ATXN10: variants seen among roughly 807,000 people sequenced by gnomAD.
The protein encoded by ATXN10 is ataxin 10, also known as ataxin-10.
A neutral mutation model predicts 52.9 loss-of-function variants in ATXN10; 28 were observed. The ratio of observed to expected loss-of-function variants is 0.53; its 90% CI spans 0.39 to 0.73. ATXN10 has a LOEUF of 0.73. Among genes scored for constraint, ATXN10 ranks in the 30% least tolerant of loss-of-function variants. The pLI is 0.00. For missense variants in ATXN10, 565 were observed against 577.0 expected (o/e 0.98, Z 0.21); for synonymous variants, 226 against 221.5 (o/e 1.02, Z -0.18).
At chr22:45,721,063 T>C (rs190356689) in intron 6 of ATXN10, among the ~76,000 whole-genome samples, 1 of 152,306 alleles carries the variant, frequency 6.6e-6, no homozygotes, top group Admixed American at 6.5e-5. Context: ...CTTGTGCTAG[T>C]TCTTTTCATT....
chr22:45,681,209 A>C lies in ATXN10; in HGVS notation c.117-8503A>C, dbSNP rs759315560. Among the ~76,000 whole-genome samples, 2 of 152,126 alleles carry C rather than the reference A, an allele frequency of 1.3e-5. No homozygotes were observed. Among genetic ancestry groups the C allele is most frequent in the African/African-American group, 4.8e-5 (2 of 41,440 alleles). On this transcript the variant is annotated intron_variant, in intron 1 of 11. Transcript: ENST00000252934. This position sits in a 1 kb window ranked among gnomAD's most constrained non-coding sequence, Gnocchi z 4.2. ...AAATCTTCGTTATTTCATTGTTTATATAGATTTTCCTTTCATTATCCTGAC... is the reference window on the plus strand; with the variant it reads ...AAATCTTCGTTATTTCATTGTTTATCTAGATTTTCCTTTCATTATCCTGAC...
Position 45,759,759 on chromosome 22 carries a change from C to T in ATXN10, c.1173+19221C>T, listed in dbSNP as rs1056770978. Among the ~76,000 whole-genome samples, 5 of 152,168 alleles carry T rather than the reference C, an allele frequency of 3.3e-5. No individual in the cohort carries two copies. Among genetic ancestry groups the T allele is most frequent in the South Asian group, 2.1e-4 (1 of 4,826 alleles). On this transcript the variant is annotated intron_variant, in intron 9 of 11. Coordinates refer to ENST00000252934, the MANE Select transcript of ATXN10 (RefSeq NM_013236.4). This position sits in a 1 kb window ranked among gnomAD's most constrained non-coding sequence, Gnocchi z 5.4. ...TGGGATGGGGTCACACCTCAGCTGC[C>T]GGCATGAGCTAAGGGACCATATAAC...
rs957672024 is a variant in ATXN10, at chr22:45,750,125, A to G, written c.1173+9587A>G. Among the ~76,000 whole-genome samples the G allele has an allele frequency of 5.3e-5, 8 of 151,112 alleles. No homozygotes were observed. Among genetic ancestry groups the G allele is most frequent in the Admixed American group, 4.0e-4 (6 of 15,172 alleles). The stretch of plus-strand genomic sequence containing the variant: ...TTTAATTTAATTTTATTTTTGAGAC[A>G]GGGTCTTGCTTTTGTCACCCAGGCT... On this transcript the variant is annotated intron_variant, in intron 9 of 11. Coordinates refer to ENST00000252934, the MANE Select transcript of ATXN10 (RefSeq NM_013236.4). The surrounding 1 kb of genome is among the most constrained non-coding windows in gnomAD (Gnocchi z 4.2).
Position 45,681,456 on chromosome 22 carries a change from A to G in ATXN10, c.117-8256A>G, listed in dbSNP as rs867024170. Among the ~76,000 whole-genome samples, 3 of 151,604 alleles carry G rather than the reference A, an allele frequency of 2.0e-5. No individual in the cohort carries two copies. Among genetic ancestry groups the G allele is most frequent in the Non-Finnish European group, 2.9e-5 (2 of 67,920 alleles). Reference sequence around the variant, plus strand: ...CTTTTGACCCTATTTCCTATTTACTACCCCTTTTGTTTTTCATTCCCCTTC... The same window carrying G: ...CTTTTGACCCTATTTCCTATTTACTGCCCCTTTTGTTTTTCATTCCCCTTC... On this transcript the variant is annotated intron_variant, in intron 1 of 11. Transcript: ENST00000252934. This position sits in a 1 kb window ranked among gnomAD's most constrained non-coding sequence, Gnocchi z 4.2.
rs1459247853 is a variant in ATXN10 at position 45,690,350 on chromosome 22, TCTG to T, written c.308+451_308+453del. Among the ~76,000 whole-genome samples, 1 of 151,994 alleles carries T rather than the reference TCTG, an allele frequency of 6.6e-6. No individual in the cohort carries two copies. The highest frequency in any genetic ancestry group is 1.5e-5 in the Non-Finnish European group (1 of 68,010). ...TGTTATTGCAGGATTGCCCTTTACA[TCTG>T]CTGGGAGAGGCCCTCTACAGGCCTT... On this transcript the variant is annotated intron_variant, in intron 2 of 11. Coordinates refer to ENST00000252934, the MANE Select transcript of ATXN10 (RefSeq NM_013236.4). This position sits in a 1 kb window ranked among gnomAD's most constrained non-coding sequence, Gnocchi z 4.5.
intron 3 of ATXN10, among the ~76,000 whole-genome samples, chr22:45,694,534 C>G (rs112258382): frequency 0.13 from 20,114 of 151,984 alleles, 1,406 homozygotes; most frequent in African/African-American, 0.19. Context: ...GTAATCCCAG[C>G]ACTTTGGGAG....
intron 10 of ATXN10, among the ~76,000 whole-genome samples, chr22:45,834,986 A>T (rs1230608698): frequency 6.6e-6 from 1 of 152,174 alleles, no homozygotes; most frequent in Non-Finnish European, 1.5e-5. Flanking sequence ...CCTGTGTGTG[A>T]TGGGGCTGCC....
intron 9 of ATXN10, among the ~76,000 whole-genome samples, chr22:45,746,927 C>T (rs777811924): frequency 9.9e-5 from 15 of 152,136 alleles, no homozygotes; most frequent in East Asian, 3.8e-4. Flanking sequence ...GATACACATA[C>T]GTAAACTGAT....
intron 9 of ATXN10, among the ~76,000 whole-genome samples, chr22:45,794,157 A>C (rs5764850): frequency 0.58 from 88,058 of 151,966 alleles, 26,675 homozygotes; most frequent in East Asian, 0.75. Context: ...TATGTCTTAT[A>C]GAAAATGGCT....
intron 9 of ATXN10, among the ~76,000 whole-genome samples, chr22:45,748,958 CAAA>C (rs542396656): frequency 6.6e-6 from 1 of 152,052 alleles, no homozygotes; most frequent in Non-Finnish European, 1.5e-5. Flanking sequence ...CATTTGACTC[CAAA>C]AACCCCTTTT....
rs1275378995 is a variant in ATXN10, at chr22:45,843,787, CA to C, written c.*119del. 5.8e-6 allele frequency: 6 copies of C among 1,040,006 alleles called. No individual in the cohort carries two copies. Among genetic ancestry groups the C allele is most frequent in the Non-Finnish European group, 8.8e-6 (6 of 683,814 alleles). The allele number at this position is 1,040,006 out of a possible 1,614,324, so 64.4% of individuals were successfully genotyped here. ...TTATAAGTACAAATTTGGGAACATA[CA>C]AATCTTTTAGGTAGTAGAGTTTAAC... On this transcript the variant is annotated 3_prime_UTR_variant, in exon 12 of 12. Transcript: ENST00000252934. The surrounding 1 kb of genome is among the most constrained non-coding windows in gnomAD (Gnocchi z 4.5).
At chr22:45,796,294 G>A (rs936307305) in intron 9 of ATXN10, among the ~76,000 whole-genome samples, 3 of 152,166 alleles carry the variant, frequency 2.0e-5, no homozygotes, top group Non-Finnish European at 4.4e-5. Flanking sequence ...GACTGCTCTC[G>A]AACCCTATTT....
chr22:45,711,888 A>C (rs1318059405), intron 5 of ATXN10, among the ~76,000 whole-genome samples: 1 of 152,168 alleles, frequency 6.6e-6, no homozygotes, highest in East Asian at 1.9e-4. Context: ...TGCTTCTTAA[A>C]TGTCTGTACA....
chr22:45,736,008 G>A (rs1925281920), intron 7 of ATXN10, among the ~76,000 whole-genome samples: 1 of 151,968 alleles, frequency 6.6e-6, no homozygotes, highest in African/African-American at 2.4e-5. Flanking sequence ...ATTTTAATGA[G>A]TAAAATTGTG....
rs3747241 is a variant in ATXN10, at chr22:45,819,833, T to C, written c.1237+12811T>C. Among the ~76,000 whole-genome samples, 13,254 of 152,308 alleles carry C rather than the reference T, an allele frequency of 0.087. 760 individuals carry two copies. The highest frequency in any genetic ancestry group is 0.16 in the Middle Eastern group (46 of 294). ...TTGAGAAAGTTAATACCTTTTTAAA[T>C]TGCGAAACTTAAATACCATTGCCAC... On this transcript the variant is annotated intron_variant, in intron 10 of 11. Transcript: ENST00000252934. The surrounding 1 kb of genome is among the most constrained non-coding windows in gnomAD (Gnocchi z 4.5).
At chr22:45,809,881 T>G (rs931650243) in intron 10 of ATXN10, among the ~76,000 whole-genome samples, 1 of 152,236 alleles carries the variant, frequency 6.6e-6, no homozygotes, top group Non-Finnish European at 1.5e-5. Context: ...TACCTTGTCA[T>G]TTTCTTTATA....
chr22:45,744,284 G>T lies in ATXN10; in HGVS notation c.1173+3746G>T, dbSNP rs1210620302. On this transcript the variant is annotated intron_variant, in intron 9 of 11. Coordinates refer to ENST00000252934, the MANE Select transcript of ATXN10 (RefSeq NM_013236.4). The surrounding 1 kb of genome is among the most constrained non-coding windows in gnomAD (Gnocchi z 4.9). ...GTACTGCCTGATTCCTCTGAATTTT[G>T]AGCAAGACTCTTTCAAGCCCAACTG... 6.6e-6 allele frequency: 1 copy of T among 152,166 alleles called. No homozygotes were observed. Among genetic ancestry groups the T allele is most frequent in the Non-Finnish European group, 1.5e-5 (1 of 68,040 alleles). The allele number at this position is 152,166 out of a possible 1,614,324, so 9.4% of individuals were successfully genotyped here. A position where few individuals can be genotyped will look rare whatever the true frequency, so the allele number is the denominator to read the frequency against.
At chr22:45,692,783 A>G (rs1403975374) in intron 2 of ATXN10, among the ~76,000 whole-genome samples, 1 of 152,192 alleles carries the variant, frequency 6.6e-6, no homozygotes, top group Non-Finnish European at 1.5e-5. Context: ...GAAGTACTCA[A>G]AGAAAGCTGT....
At chr22:45,743,711 ATTG>A (rs1925624844) in intron 9 of ATXN10, among the ~76,000 whole-genome samples, 1 of 152,150 alleles carries the variant, frequency 6.6e-6, no homozygotes, top group African/African-American at 2.4e-5. Context: ...CTGATGATTT[ATTG>A]TTTAGTGTTT....
Sources: gnomAD v4.1 joint callset for allele counts (sites outside exome capture counted in the v4.1 genomes callset) on GRCh38, gnomAD v4.1.1 for gene constraint, Gnocchi (gnomAD v3.1) non-coding constraint, MANE v1.5 for transcripts, NCBI Gene and HGNC (gene_info 2026-07-23, HGNC 2026-07-21) for gene names.